The following CAMKMT variants were observed in gnomAD, a reference collection of about 807,000 sequenced individuals.
CAMKMT encodes the protein CaM KMT.
A neutral mutation model predicts 48.0 loss-of-function variants in CAMKMT; 53 were observed. That is an observed-to-expected ratio of 1.10 (90% CI 0.89 to 1.39). CAMKMT has a LOEUF of 1.39. Among genes scored for constraint, CAMKMT ranks in the 40% most tolerant of loss-of-function variants. CAMKMT has a pLI of 0.00. For synonymous variants in CAMKMT, 165 were observed against 152.3 expected (o/e 1.08, Z -0.61); for missense variants, 428 against 402.7 (o/e 1.06, Z -0.54).
intron 7 of CAMKMT, among the ~76,000 whole-genome samples, chr2:44,726,389 G>A (rs1678788498): frequency 6.6e-6 from 1 of 152,122 alleles, no homozygotes; most frequent in African/African-American, 2.4e-5. Flanking sequence ...AGTGATGCTG[G>A]CATTTTTTAT....
chr2:44,421,584 GA>G (rs922075860), intron 3 of CAMKMT, among the ~76,000 whole-genome samples: 21 of 152,158 alleles, frequency 1.4e-4, no homozygotes, highest in Admixed American at 5.9e-4. Context: ...AAAGATGGGT[GA>G]AAAAAATTAT....
In CAMKMT at chr2:44,445,678, T is replaced by G. The variant is rs1342863356; in HGVS notation, c.376+55373T>G. Reference sequence around the variant, plus strand: ...TTTTTTTTTTTTTTTTTTTTTTTTTTTTTTTTTTTTTTTTTACCAGTTGGG... The same window carrying G: ...TTTTTTTTTTTTTTTTTTTTTTTTTGTTTTTTTTTTTTTTTACCAGTTGGG... On this transcript the variant is annotated intron_variant, in intron 3 of 10. Transcript: ENST00000378494. Among the ~76,000 whole-genome samples, 13 of 112,668 alleles carry G rather than the reference T, an allele frequency of 1.2e-4. 1 individual carries two copies. Among genetic ancestry groups the G allele is most frequent in the Middle Eastern group, 8.6e-3 (2 of 232 alleles). The allele number at this position is 112,668 out of a possible 152,430, so 73.9% of individuals were successfully genotyped here.
chr2:44,639,168 A>G (rs1356856225), intron 3 of CAMKMT, among the ~76,000 whole-genome samples: 2 of 152,234 alleles, frequency 1.3e-5, no homozygotes, highest in African/African-American at 2.4e-5. Context: ...GCTAGCTTGG[A>G]ATATTAACAA....
intron 7 of CAMKMT, among the ~76,000 whole-genome samples, chr2:44,717,795 G>T (rs2104309208): frequency 6.7e-6 from 1 of 150,318 alleles, no homozygotes; most frequent in Non-Finnish European, 1.5e-5. Flanking sequence ...TGTATAAGCT[G>T]AAAGGAAAGT....
rs80289207 is a variant in CAMKMT, at chr2:44,702,706, C to T, written c.377-1577C>T. ...TAAATATGACTCCAAACACTTCTTG[C>T]TGGTTTTCCTTGTTTCTCCCTCAAG... On this transcript the variant is annotated intron_variant, in intron 3 of 10. Transcript: ENST00000378494. Among the ~76,000 whole-genome samples the T allele has an allele frequency of 3.4e-3, 522 of 152,306 alleles. 19 individuals are homozygous for T. In the East Asian group the frequency reaches 0.083, roughly 24 times the overall value.
intron 2 of CAMKMT, among the ~76,000 whole-genome samples, chr2:44,377,912 TAA>T (rs1224366544): frequency 2.6e-5 from 4 of 152,282 alleles, no homozygotes; most frequent in African/African-American, 7.2e-5. Context: ...GAATGTTCAG[TAA>T]ATAAAAACTA....
At chr2:44,741,734 A>T (rs1454350088) in intron 7 of CAMKMT, among the ~76,000 whole-genome samples, 1 of 152,152 alleles carries the variant, frequency 6.6e-6, no homozygotes, top group East Asian at 1.9e-4. Flanking sequence ...TTTATTTTAG[A>T]GTCATGACTC....
intron 3 of CAMKMT, among the ~76,000 whole-genome samples, chr2:44,605,997 C>T (rs1671258091): frequency 1.3e-5 from 2 of 152,116 alleles, no homozygotes; most frequent in South Asian, 4.1e-4. Flanking sequence ...CTATATAGTT[C>T]ATGAACCATT....
chr2:44,765,531 TAA>T (rs34921648), intron 9 of CAMKMT, among the ~76,000 whole-genome samples: 15,735 of 132,148 alleles, frequency 0.12, 886 homozygotes, highest in South Asian at 0.18. Flanking sequence ...TTTTTTTTTT[TAA>T]AAAAAAAAAA....
intron 3 of CAMKMT, among the ~76,000 whole-genome samples, chr2:44,418,192 CAAAAAAAAAAAA>C (rs70965353): frequency 8.4e-6 from 1 of 118,900 alleles, no homozygotes; most frequent in Non-Finnish European, 1.7e-5. Context: ...AACTCTGTCT[CAAAAAAAAAAAA>C]AAAAAGAATT....
intron 3 of CAMKMT, among the ~76,000 whole-genome samples, chr2:44,611,705 A>C (rs1237870281): frequency 1.3e-5 from 2 of 151,936 alleles, no homozygotes; most frequent in Admixed American, 1.3e-4. Context: ...AAAGAGGTTT[A>C]ATTGGCTCAT....
At chr2:44,497,649 A>T (rs1669811468) in intron 3 of CAMKMT, among the ~76,000 whole-genome samples, 1 of 150,604 alleles carries the variant, frequency 6.6e-6, no homozygotes, top group African/African-American at 2.4e-5. Flanking sequence ...CCTCCATATT[A>T]TTTGATTTTA....
At chr2:44,766,916 G>A (rs1033503946) in intron 10 of CAMKMT, among the ~76,000 whole-genome samples, 14 of 152,130 alleles carry the variant, frequency 9.2e-5, no homozygotes, top group African/African-American at 2.2e-4. Context: ...ATGCTTAGCC[G>A]CACTGAAATA....
chr2:44,514,484 C>T (rs550926609), intron 3 of CAMKMT, among the ~76,000 whole-genome samples: 92 of 152,222 alleles, frequency 6.0e-4, no homozygotes, highest in Non-Finnish European at 9.3e-4. Flanking sequence ...TGAGAGCAGG[C>T]GGACATTGGT....
intron 3 of CAMKMT, among the ~76,000 whole-genome samples, chr2:44,599,202 A>G (rs1395769415): frequency 6.6e-6 from 1 of 152,142 alleles, no homozygotes; most frequent in Non-Finnish European, 1.5e-5. Context: ...ACTTTGTTAG[A>G]AATTTCTGTT....
chr2:44,494,577 G>T (rs1239545454), intron 3 of CAMKMT, among the ~76,000 whole-genome samples: 1 of 152,144 alleles, frequency 6.6e-6, no homozygotes, highest in Non-Finnish European at 1.5e-5. Context: ...GTGCTAACAT[G>T]CAATTCAAAG....
At chr2:44,383,390 C>T (rs1024101232) in intron 2 of CAMKMT, among the ~76,000 whole-genome samples, 12 of 152,234 alleles carry the variant, frequency 7.9e-5, no homozygotes, top group Non-Finnish European at 1.6e-4. Flanking sequence ...GTCTCAAACT[C>T]CTGATCTTGT....
intron 3 of CAMKMT, among the ~76,000 whole-genome samples, chr2:44,652,409 G>C (rs1395892280): frequency 1.3e-5 from 2 of 152,292 alleles, no homozygotes; most frequent in East Asian, 3.9e-4. Flanking sequence ...TTGCTGAACT[G>C]CTCAGCGTCC....
chr2:44,525,076 C>T (rs1288457720), intron 3 of CAMKMT, among the ~76,000 whole-genome samples: 1 of 151,788 alleles, frequency 6.6e-6, no homozygotes, highest in African/African-American at 2.4e-5. Context: ...TAAGATAGCA[C>T]ACGTTAGTAG....
Sources: gnomAD v4.1 joint callset for allele counts (sites outside exome capture counted in the v4.1 genomes callset) on GRCh38, gnomAD v4.1.1 for gene constraint, MANE v1.5 for transcripts, NCBI Gene and HGNC (gene_info 2026-07-23, HGNC 2026-07-21) for gene names.